The following SHH variants were observed in gnomAD, a reference collection of about 807,000 sequenced individuals.
SHH encodes the protein sonic hedgehog signaling molecule.
A neutral mutation model predicts 16.6 loss-of-function variants in SHH; 3 were observed. The observed-to-expected ratio is 0.18, with a 90% CI of 0.08 to 0.47. The LOEUF is 0.47. Among genes scored for constraint, SHH ranks in the 20% least tolerant of loss-of-function variants. The pLI is 0.98. For missense variants in SHH, 499 were observed against 665.0 expected (o/e 0.75, Z 2.75); for synonymous variants, 351 against 316.2 (o/e 1.11, Z -1.17).
Position 155,803,298 on chromosome 7 carries a change from C to T in SHH, c.991G>A (p.Ala331Thr). 2.0e-6 allele frequency: 3 copies of T among 1,486,114 alleles called. No individual in the cohort carries two copies. Among genetic ancestry groups the T allele is most frequent in the South Asian group, 1.3e-5 (1 of 78,444 alleles). 92.1% of individuals were successfully genotyped at this position (1,486,114 alleles called of 1,614,324 possible). A position where few individuals can be genotyped will look rare whatever the true frequency, so the allele number is the denominator to read the frequency against. The change falls in exon 3 of 3, where the codon GCT becomes ACT. Residue 331 changes from alanine (A) to threonine (T), a missense_variant. Ala to Thr is a moderately conservative substitution (Grantham distance 58). This residue lies in a region of SHH where 299 missense variants were observed against 301.1 expected (regional missense o/e 0.99). Transcript: ENST00000297261. ...RDGDRRLLPA[A>T]VHSVTLSEEA... ...TCGCTTAGGGTCACGCTGTGCACAG[C>T]GGCGGGCAGGAGCCGGCGGTCCCCG...
intron 1 of SHH, 77 bp downstream of exon 1, chr7:155,811,746 G>A: frequency 7.0e-7 from 1 of 1,420,350 alleles, no homozygotes; most frequent in South Asian, 1.1e-5. Context: ...AGCAAACAGA[G>A]TTAAGTCTGG....
In SHH at chr7:155,802,776, A is replaced by ATT. The variant is rs1554493557; in HGVS notation, c.*122_*123dup. ...AGTCTACTTTGGACTGTCCTACTTT[A>ATT]TTATTCTTATTCTTATTATAACTCA... On this transcript the variant is annotated 3_prime_UTR_variant, in exon 3 of 3. Transcript: ENST00000297261. 9 of 545,686 alleles carry ATT rather than the reference A, an allele frequency of 1.6e-5. No homozygotes were observed. Among genetic ancestry groups the ATT allele is most frequent in the South Asian group, 5.7e-5 (1 of 17,610 alleles). The allele number at this position is 545,686 out of a possible 1,614,324, so 33.8% of individuals were successfully genotyped here. A position where few individuals can be genotyped will look rare whatever the true frequency, so the allele number is the denominator to read the frequency against.
rs1444621919 is a variant in SHH, at chr7:155,806,483, G to A, written c.375C>T (p.Thr125=). 3.7e-6 allele frequency: 6 copies of A among 1,613,466 alleles called. No homozygotes were observed. Among genetic ancestry groups the A allele is most frequent in the Non-Finnish European group, 5.1e-6 (6 of 1,180,010 alleles). The change falls in exon 2 of 3, where the codon ACC becomes ACT. Residue 125 remains threonine, a synonymous_variant. Transcript: ENST00000297261. The part of the protein sequence containing the change: ...NQWPGVKLRV[T]EGWDEDGHHS... ...GGTGGCCATCTTCGTCCCAGCCCTC[G>A]GTCACCCGCAGTTTCACTCCTGGCC...
Position 155,807,757 on chromosome 7 carries a change from G to A in SHH, c.301-1200C>T, listed in dbSNP as rs1043484905. 2.0e-5 allele frequency among the ~76,000 whole-genome samples: 3 copies of A among 152,184 alleles called. No individual in the cohort carries two copies. Among genetic ancestry groups the A allele is most frequent in the Admixed American group, 1.3e-4 (2 of 15,278 alleles). On this transcript the variant is annotated intron_variant, in intron 1 of 2. Transcript: ENST00000297261. The surrounding 1 kb of genome is among the most constrained non-coding windows in gnomAD (Gnocchi z 7.1). ...AAGAGGGGGAACTGGCACAGATGAC[G>A]ATGGTGGCATCCCCCAAGAAGCTGC... is the stretch of plus-strand genomic sequence containing the variant.
At position 155,802,465 on chromosome 7, in the gene SHH, G is replaced by A. The variant is rs117105060; in HGVS notation, c.*435C>T. 1.0e-4 allele frequency: 16 copies of A among 153,662 alleles called. No individual in the cohort carries two copies. The East Asian group carries it at 2.8e-3, about 27-fold the overall frequency. 9.5% of individuals were successfully genotyped at this position (153,662 alleles called of 1,614,324 possible). ...GTTTGCTTTCTGACAGCCGGGACGA[G>A]GGACATGTAGAAAAATAGACTCTGA... On this transcript the variant is annotated 3_prime_UTR_variant, in exon 3 of 3. Transcript: ENST00000297261.
intron 1 of SHH, among the ~76,000 whole-genome samples, chr7:155,808,308 G>T (rs756913189): frequency 1.9e-4 from 29 of 152,234 alleles, no homozygotes; most frequent in Non-Finnish European, 3.4e-4. Context: ...CCACCAACAC[G>T]CACAGGGACC....
rs755641011 is a variant in SHH, at chr7:155,800,044, A to G, written c.*2856T>C. The stretch of plus-strand genomic sequence containing the variant: ...GCACAAAGATAACAGTTTCAAGTAC[A>G]TTGTGATACACGTTTTGACAGGAAT... On this transcript the variant is annotated 3_prime_UTR_variant, in exon 3 of 3. Coordinates refer to ENST00000297261, the MANE Select transcript of SHH (RefSeq NM_000193.4). 1.1e-5 allele frequency: 5 copies of G among 471,586 alleles called. No homozygotes were observed. The highest frequency in any genetic ancestry group is 7.7e-5 in the South Asian group (5 of 64,570). The allele number at this position is 471,586 out of a possible 1,614,324, so 29.2% of individuals were successfully genotyped here.
At chr7:155,806,222 TTTTCTC>T in intron 2 of SHH, 68 bp downstream of exon 2, 1 of 1,597,542 alleles carries the variant, frequency 6.3e-7, no homozygotes, top group Non-Finnish European at 8.6e-7. Flanking sequence ...CCAGGTTTCT[TTTTCTC>T]TTGAATCAAG....
In SHH at chr7:155,812,170, T is replaced by C; in HGVS notation, c.-48A>G. The C allele has an allele frequency of 6.3e-7, 1 of 1,575,548 alleles. No individual in the cohort carries two copies. Among genetic ancestry groups the C allele is most frequent in the Non-Finnish European group, 8.7e-7 (1 of 1,145,982 alleles). On this transcript the variant is annotated 5_prime_UTR_variant, in exon 1 of 3. Coordinates refer to ENST00000297261, the MANE Select transcript of SHH (RefSeq NM_000193.4). ...TCCGAGCTGTCCCCGTGCGGGTCCG[T>C]GCGCGAGTGCGCGCGGCGGGTGTGT...
chr7:155,812,114 C>T lies in SHH; in HGVS notation c.9G>A (p.Leu3=). 1.2e-6 allele frequency: 2 copies of T among 1,614,124 alleles called. No individual in the cohort carries two copies. The highest frequency in any genetic ancestry group is 1.7e-6 in the Non-Finnish European group (2 of 1,180,006). Residue 3 remains leucine (L), a synonymous_variant, in exon 1 of 3, where the codon CTG becomes CTA. Coordinates refer to ENST00000297261, the MANE Select transcript of SHH (RefSeq NM_000193.4). The part of the protein sequence containing the change: ML[L]LARCLLLVLV... ...GGACTAGCAGCAGACATCTCGCCAG[C>T]AGCAGCATCTCGCCCATGGAACTGA...
intron 1 of SHH, among the ~76,000 whole-genome samples, chr7:155,808,638 C>A (rs1473800271): frequency 5.3e-5 from 8 of 152,198 alleles, no homozygotes; most frequent in South Asian, 2.1e-4. Context: ...CTCCTCCGCC[C>A]GCGCTGGGCG....
In SHH at chr7:155,811,846, C is replaced by T. The variant is rs767953314; in HGVS notation, c.277G>A (p.Gly93Arg). ...DIIFKDEENT[G>R]ADRLMTQRCK... Reference sequence around the variant, plus strand: ...ACCTGAGTCATCAGCCTGTCCGCTCCGGTGTTTTCTTCATCCTTAAATATG... The same window carrying T: ...ACCTGAGTCATCAGCCTGTCCGCTCTGGTGTTTTCTTCATCCTTAAATATG... Residue 93 changes from glycine to arginine, a missense_variant, in exon 1 of 3, where the codon GGA becomes AGA. Transcript: ENST00000297261. The T allele has an allele frequency of 1.2e-6, 2 of 1,614,156 alleles. No homozygotes were observed. Among genetic ancestry groups the T allele is most frequent in the South Asian group, 1.1e-5 (1 of 91,078 alleles).
rs1336805785 is a variant in SHH at position 155,802,045 on chromosome 7, A to G, written c.*855T>C. ...ATATTATTTTCTAATAAATTCTTTG[A>G]AGTTAAAAATAACAGTTCTTCCAGT... On this transcript the variant is annotated 3_prime_UTR_variant, in exon 3 of 3. Coordinates refer to ENST00000297261, the MANE Select transcript of SHH (RefSeq NM_000193.4). The G allele has an allele frequency of 6.9e-6, 1 of 144,076 alleles. No homozygotes were observed. Among genetic ancestry groups the G allele is most frequent in the Non-Finnish European group, 1.5e-5 (1 of 66,464 alleles). The allele number at this position is 144,076 out of a possible 1,614,324, so 8.9% of individuals were successfully genotyped here.
In SHH at chr7:155,802,936, G is replaced by T; in HGVS notation, c.1353C>A (p.Ala451=). 1 of 1,522,792 alleles carries T rather than the reference G, an allele frequency of 6.6e-7. No individual in the cohort carries two copies. The allele number at this position is 1,522,792 out of a possible 1,614,324, so 94.3% of individuals were successfully genotyped here. A position where few individuals can be genotyped will look rare whatever the true frequency, so the allele number is the denominator to read the frequency against. ...TGACCGCCATGCCCAGCGGGTGCAG[G>T]GCCTCGCTGTCCAGGAGCCAGGTGC... is the stretch of plus-strand genomic sequence containing the variant. ...QIGTWLLDSE[A]LHPLGMAVKS... Residue 451 remains alanine, a synonymous_variant, in exon 3 of 3, where the codon GCC becomes GCA. Transcript: ENST00000297261.
chr7:155,800,628 C>T lies in SHH; in HGVS notation c.*2272G>A, dbSNP rs1221136223. 2.1e-6 allele frequency: 1 copy of T among 470,748 alleles called. No individual in the cohort carries two copies. Among genetic ancestry groups the T allele is most frequent in the African/African-American group, 2.0e-5 (1 of 50,094 alleles). 29.2% of individuals were successfully genotyped at this position (470,748 alleles called of 1,614,324 possible). A position where few individuals can be genotyped will look rare whatever the true frequency, so the allele number is the denominator to read the frequency against. On this transcript the variant is annotated 3_prime_UTR_variant, in exon 3 of 3. Coordinates refer to ENST00000297261, the MANE Select transcript of SHH (RefSeq NM_000193.4). The stretch of plus-strand genomic sequence containing the variant: ...AAAAGAACAGAAACCATCGCACTTC[C>T]TCCGAGATTGTAAACACCAGCCTGG...
intron 1 of SHH, 196 bp from the exon 2 acceptor site, chr7:155,806,753 C>T (rs1477493286): frequency 4.1e-6 from 3 of 729,272 alleles, no homozygotes; most frequent in African/African-American, 3.5e-5. Flanking sequence ...ACAGCATTTG[C>T]GGAGGAGCGT....
intron 2 of SHH, among the ~76,000 whole-genome samples, chr7:155,804,882 A>AT (rs1473241284): frequency 7.2e-5 from 11 of 152,150 alleles, no homozygotes; most frequent in Admixed American, 7.2e-4. Flanking sequence ...TCCTGCTGGA[A>AT]TTACAGGGGG....
At chr7:155,806,603 C>T in intron 1 of SHH, 46 bp from the exon 2 acceptor site, 2 of 1,609,954 alleles carry the variant, frequency 1.2e-6, no homozygotes, top group Non-Finnish European at 8.5e-7. Flanking sequence ...TTAGCCTGGG[C>T]AACCGCCACC....
chr7:155,808,550 G>A (rs535636418), intron 1 of SHH, among the ~76,000 whole-genome samples: 3 of 152,306 alleles, frequency 2.0e-5, no homozygotes, highest in Admixed American at 1.3e-4. Flanking sequence ...GGCGGAGGCC[G>A]AGGGTTGCTG....
Sources: gnomAD v4.1 joint callset for allele counts (sites outside exome capture counted in the v4.1 genomes callset) on GRCh38, gnomAD v4.1.1 for gene constraint, gnomAD v4.1.1 regional missense constraint, Gnocchi (gnomAD v3.1) non-coding constraint, MANE v1.5 for transcripts, NCBI Gene and HGNC (gene_info 2026-07-23, HGNC 2026-07-21) for gene names.